Variants in NTM observed in about 807,000 individuals in gnomAD.
The protein encoded by NTM is neurotrimin, also known as IgLON family member 2.
NTM carries 13 observed loss-of-function variants against 42.1 expected under a neutral mutation model. That is an observed-to-expected ratio of 0.31 (90% CI 0.20 to 0.49). The LOEUF (loss-of-function observed/expected upper bound fraction) is 0.49, where lower values mean the gene tolerates loss of function less well. Ranked by LOEUF, NTM falls within the 20% of genes least tolerant of loss-of-function variation. The probability of loss-of-function intolerance (pLI) is 0.99; values close to 1 mark genes in which losing one functional copy is unlikely to be tolerated. For missense variants in NTM, 373 were observed against 452.8 expected, an observed-to-expected ratio of 0.82 and a Z score of 1.60; for synonymous variants, 187 against 179.2, an observed-to-expected ratio of 1.04 and a Z score of -0.35.
chr11:131,803,522 C>G (rs1307765729), intron 1 of NTM, among the ~76,000 whole-genome samples: 2 of 152,172 alleles, frequency 1.3e-5, no homozygotes, highest in Non-Finnish European at 2.9e-5. Context: ...GTTGGCGAGG[C>G]TAGTCTCAAA....
At chr11:131,661,779 G>C (rs992328831) in intron 1 of NTM, among the ~76,000 whole-genome samples, 5 of 152,026 alleles carry the variant, frequency 3.3e-5, no homozygotes, top group African/African-American at 1.2e-4. Flanking sequence ...CCCCCTGTGA[G>C]TTGCCAACAA....
At chr11:131,386,302 A>G (rs1317263579) in intron 1 of NTM, among the ~76,000 whole-genome samples, 4 of 152,164 alleles carry the variant, frequency 2.6e-5, no homozygotes, top group Non-Finnish European at 5.9e-5. Context: ...GGCTTGTGGG[A>G]GGAGGGAAAC....
chr11:132,159,612 AAGG>A (rs1272840904), intron 3 of NTM, among the ~76,000 whole-genome samples: 1 of 152,286 alleles, frequency 6.6e-6, no homozygotes, highest in East Asian at 1.9e-4. Flanking sequence ...TGAAAGCAGA[AAGG>A]AGAACAGGTT....
chr11:131,503,656 G>A (rs557617502), intron 1 of NTM, among the ~76,000 whole-genome samples: 1 of 150,878 alleles, frequency 6.6e-6, no homozygotes, highest in Non-Finnish European at 1.5e-5. Flanking sequence ...CCAAATAGCT[G>A]GGACCACAGG....
At chr11:131,397,573 C>T (rs553690716) in intron 1 of NTM, among the ~76,000 whole-genome samples, 5 of 152,310 alleles carry the variant, frequency 3.3e-5, no homozygotes, top group Non-Finnish European at 2.9e-5. Context: ...TGAGGCAATA[C>T]ACCTTGAATG....
intron 1 of NTM, among the ~76,000 whole-genome samples, chr11:131,390,701 A>G (rs1943891600): frequency 6.6e-6 from 1 of 152,136 alleles, no homozygotes; most frequent in Non-Finnish European, 1.5e-5. Flanking sequence ...TTGCATGTGT[A>G]TCTCCATGGT....
chr11:131,989,760 CACTT>C (rs1593456061), intron 2 of NTM, among the ~76,000 whole-genome samples: 1 of 151,860 alleles, frequency 6.6e-6, no homozygotes, highest in Admixed American at 6.6e-5. Context: ...CATACACATA[CACTT>C]ACTTACTGGA....
intron 1 of NTM, among the ~76,000 whole-genome samples, chr11:131,502,037 G>A (rs1002405727): frequency 3.3e-5 from 5 of 152,078 alleles, no homozygotes; most frequent in Admixed American, 3.3e-4. Flanking sequence ...TGGTGAGGCT[G>A]GAAACATCAG....
chr11:132,160,137 C>A (rs936946156), intron 3 of NTM, among the ~76,000 whole-genome samples: 1 of 152,246 alleles, frequency 6.6e-6, no homozygotes, highest in Non-Finnish European at 1.5e-5. Flanking sequence ...TGAGGCATGG[C>A]AGCCATTCCT....
At chr11:131,501,192 C>T (rs952811707) in intron 1 of NTM, among the ~76,000 whole-genome samples, 1 of 152,050 alleles carries the variant, frequency 6.6e-6, no homozygotes, top group South Asian at 2.1e-4. Context: ...GGGTAACAGA[C>T]AGCTTAAGGG....
chr11:131,910,690 C>A, intron 1 of NTM: 1 of 289,604 alleles, frequency 3.5e-6, no homozygotes, highest in Non-Finnish European at 5.1e-6. Flanking sequence ...GGCTCCGGTG[C>A]GGGCTGCGCC....
At position 131,964,529 on chromosome 11, in the gene NTM, T is replaced by A. The variant is rs141461829; in HGVS notation, c.167+52881T>A. On this transcript the variant is annotated intron_variant, in intron 2 of 8. Coordinates refer to ENST00000683400, the MANE Select transcript of NTM (RefSeq NM_001352005.2). ...TGTCTAATTATTAATATTAAGCAAG[T>A]AGAGAAATTAAGGCAAGATACACAT... is the stretch of plus-strand genomic sequence containing the variant. Among the ~76,000 whole-genome samples, 529 of 152,178 alleles carry A rather than the reference T, an allele frequency of 3.5e-3. 5 individuals are homozygous for A. The highest frequency in any genetic ancestry group is 0.012 in the African/African-American group (483 of 41,514).
chr11:131,997,264 G>C (rs1330169822), intron 2 of NTM, among the ~76,000 whole-genome samples: 1 of 152,206 alleles, frequency 6.6e-6, no homozygotes, highest in African/African-American at 2.4e-5. Flanking sequence ...CGCCCTGCCT[G>C]GAGGGCAGAT....
intron 1 of NTM, among the ~76,000 whole-genome samples, chr11:131,789,338 A>G (rs2089796355): frequency 7.7e-6 from 1 of 130,104 alleles, no homozygotes; most frequent in Non-Finnish European, 1.6e-5. Flanking sequence ...AAGATGACAA[A>G]GTGAATTTAA....
chr11:131,580,076 G>A (rs1335262956), intron 1 of NTM, among the ~76,000 whole-genome samples: 1 of 152,168 alleles, frequency 6.6e-6, no homozygotes, highest in Non-Finnish European at 1.5e-5. Flanking sequence ...TGATGAGGTT[G>A]AGCAGTGGGG....
At chr11:131,676,350 C>T (rs534153541) in intron 1 of NTM, among the ~76,000 whole-genome samples, 1 of 152,078 alleles carries the variant, frequency 6.6e-6, no homozygotes, top group Non-Finnish European at 1.5e-5. Context: ...GCAATCTGTT[C>T]AATATAAAGG....
intron 4 of NTM, chr11:132,306,596 A>G (rs2095092339): frequency 1.3e-5 from 2 of 152,140 alleles, no homozygotes; most frequent in African/African-American, 4.8e-5. Context: ...TTAGGATTGT[A>G]TGTATATTAT....
chr11:131,869,085 A>G (rs1183176304), intron 1 of NTM, among the ~76,000 whole-genome samples: 1 of 145,094 alleles, frequency 6.9e-6, no homozygotes, highest in African/African-American at 2.4e-5. Context: ...ACCACGTGCA[A>G]TCACCCCCCA....
chr11:131,618,483 A>G (rs758596591), intron 1 of NTM, among the ~76,000 whole-genome samples: 3 of 152,162 alleles, frequency 2.0e-5, no homozygotes, highest in Non-Finnish European at 2.9e-5. Flanking sequence ...CTCTGGTGAC[A>G]TGCTATCCGA....
Sources: gnomAD v4.1 joint callset for allele counts (sites outside exome capture counted in the v4.1 genomes callset) on GRCh38, gnomAD v4.1.1 for gene constraint, MANE v1.5 for transcripts, NCBI Gene and HGNC (gene_info 2026-07-23, HGNC 2026-07-21) for gene names.